The following LSAMP variants were observed in gnomAD, a reference collection of about 807,000 sequenced individuals.
The protein encoded by LSAMP is limbic system-associated membrane protein.
In LSAMP, 7 loss-of-function variants were observed where a neutral mutation model predicts 38.6. That is an observed-to-expected ratio of 0.18 (90% CI 0.10 to 0.34). The LOEUF (loss-of-function observed/expected upper bound fraction) is 0.34. LSAMP is among the 10% of genes least tolerant of loss of function. The pLI, the probability that LSAMP is intolerant of heterozygous loss-of-function variation, is 1.00. For missense variants in LSAMP, 313 were observed against 420.0 expected, an observed-to-expected ratio of 0.75 and a Z score of 2.23; for synonymous variants, 154 against 166.8, an observed-to-expected ratio of 0.92 and a Z score of 0.59.
At chr3:115,981,693 T>C (rs1017340518) in intron 3 of LSAMP, among the ~76,000 whole-genome samples, 1 of 152,190 alleles carries the variant, frequency 6.6e-6, no homozygotes, top group African/African-American at 2.4e-5. Flanking sequence ...GTTTGTGCTT[T>C]AGTCAATATT....
intron 2 of LSAMP, among the ~76,000 whole-genome samples, chr3:116,032,035 T>C (rs546651929): frequency 1.3e-5 from 2 of 152,112 alleles, no homozygotes; most frequent in Admixed American, 6.6e-5. Context: ...AGGTACATAA[T>C]GTCATTCATG....
chr3:115,873,031 G>A (rs903737819), intron 3 of LSAMP, among the ~76,000 whole-genome samples: 2 of 151,932 alleles, frequency 1.3e-5, no homozygotes, highest in African/African-American at 2.4e-5. Flanking sequence ...ACAGAGATCC[G>A]AATTAGTTTT....
chr3:116,224,811 A>G (rs889642638), intron 1 of LSAMP, among the ~76,000 whole-genome samples: 2 of 152,228 alleles, frequency 1.3e-5, no homozygotes, highest in African/African-American at 4.8e-5. Context: ...ACTCTGTGAT[A>G]GTGCTACCAG....
intron 3 of LSAMP, among the ~76,000 whole-genome samples, chr3:115,952,566 G>A (rs1277653833): frequency 3.9e-5 from 6 of 152,138 alleles, no homozygotes; most frequent in Non-Finnish European, 8.8e-5. Flanking sequence ...GGGATTCAGG[G>A]GGAATGGTGA....
chr3:116,124,776 A>C (rs1004056028), intron 1 of LSAMP, among the ~76,000 whole-genome samples: 5 of 152,210 alleles, frequency 3.3e-5, no homozygotes, highest in Admixed American at 6.5e-5. Flanking sequence ...AGACATGGAC[A>C]TGGTCATACA....
intron 1 of LSAMP, among the ~76,000 whole-genome samples, chr3:116,107,352 T>C (rs1332894187): frequency 6.6e-6 from 1 of 152,028 alleles, no homozygotes; most frequent in African/African-American, 2.4e-5. Flanking sequence ...GAGTTGAACA[T>C]AGTTTGTGAT....
At chr3:116,318,171 G>A (rs9882899) in intron 1 of LSAMP, among the ~76,000 whole-genome samples, 147,562 of 150,498 alleles carry the variant, frequency 0.98, 72,420 homozygotes, top group Middle Eastern at 1. Flanking sequence ...GTAATACAAC[G>A]TGCACTCTTA....
intron 1 of LSAMP, among the ~76,000 whole-genome samples, chr3:116,440,757 C>T (rs978739436): frequency 2.6e-5 from 4 of 152,168 alleles, no homozygotes; most frequent in Non-Finnish European, 4.4e-5. Context: ...ACGATCCTTA[C>T]AGTATCAGGG....
chr3:116,271,587 T>TG (rs1352435804), intron 1 of LSAMP, among the ~76,000 whole-genome samples: 1 of 152,130 alleles, frequency 6.6e-6, no homozygotes, highest in African/African-American at 2.4e-5. Context: ...AATAAACAGT[T>TG]GGGGCCACAT....
rs1444687207 is a variant in LSAMP, at chr3:116,418,033, A to G, written c.155+26844T>C. Among the ~76,000 whole-genome samples, 5 of 152,356 alleles carry G rather than the reference A, an allele frequency of 3.3e-5. 1 individual carries two copies. The East Asian group carries it at 9.6e-4, about 29-fold the overall frequency. ...AGTTATCAAAGATGCAATCTTAAAA[A>G]GTTGTGCCATTTTTAGAATATTTGT... On this transcript the variant is annotated intron_variant, in intron 1 of 6. Transcript: ENST00000490035.
chr3:116,161,013 C>A (rs1709874663), intron 1 of LSAMP, among the ~76,000 whole-genome samples: 1 of 152,158 alleles, frequency 6.6e-6, no homozygotes, highest in African/African-American at 2.4e-5. Flanking sequence ...TAGTCTCCAG[C>A]CACGTGGGGC....
intron 1 of LSAMP, among the ~76,000 whole-genome samples, chr3:116,332,052 G>C (rs1028684287): frequency 6.6e-6 from 1 of 151,934 alleles, no homozygotes; most frequent in African/African-American, 2.4e-5. Flanking sequence ...AGTTGTCCAG[G>C]CTGGCTGGAA....
chr3:116,098,466 C>T lies in LSAMP; in HGVS notation c.156-11910G>A, dbSNP rs551542404. ...GTAAGCCAAGATTGCGCCATTGCAG[C>T]CTTGGCAACAAGAGCAAAACTCCGT... On this transcript the variant is annotated intron_variant, in intron 1 of 6. Coordinates refer to ENST00000490035, the MANE Select transcript of LSAMP (RefSeq NM_002338.5). Among the ~76,000 whole-genome samples, 3 of 152,170 alleles carry T rather than the reference C, an allele frequency of 2.0e-5. No individual in the cohort carries two copies. The South Asian group carries it at 6.2e-4, about 32-fold the overall frequency.
intron 2 of LSAMP, among the ~76,000 whole-genome samples, chr3:116,049,827 C>A (rs1037243766): frequency 2.0e-5 from 3 of 152,110 alleles, no homozygotes; most frequent in Non-Finnish European, 2.9e-5. Context: ...AAAACAGACA[C>A]GCAAGATTGA....
At chr3:116,206,324 A>G (rs2046069284) in intron 1 of LSAMP, among the ~76,000 whole-genome samples, 1 of 149,936 alleles carries the variant, frequency 6.7e-6, no homozygotes, top group Non-Finnish European at 1.5e-5. Flanking sequence ...CTAGCGGTCT[A>G]TCAATTTTGT....
At chr3:116,099,405 T>A (rs747529801) in intron 1 of LSAMP, among the ~76,000 whole-genome samples, 2 of 151,590 alleles carry the variant, frequency 1.3e-5, no homozygotes, top group Non-Finnish European at 2.9e-5. Context: ...ATTAATAAAG[T>A]GTTGTTTTGA....
rs190978051 is a variant in LSAMP at position 116,042,856 on chromosome 3, A to T, written c.389-23216T>A. Among the ~76,000 whole-genome samples the T allele has an allele frequency of 4.4e-3, 668 of 152,302 alleles. 1 individual carries two copies. The highest frequency in any genetic ancestry group is 0.015 in the African/African-American group (642 of 41,538). On this transcript the variant is annotated intron_variant, in intron 2 of 6. Coordinates refer to ENST00000490035, the MANE Select transcript of LSAMP (RefSeq NM_002338.5). ...AATGATGTTACTGAACAAGGTGGAT[A>T]ATCTTTCAGTCAGAGTTGTATAAAC...
At chr3:116,047,387 A>C (rs1299455753) in intron 2 of LSAMP, among the ~76,000 whole-genome samples, 2 of 151,044 alleles carry the variant, frequency 1.3e-5, no homozygotes, top group Non-Finnish European at 3.0e-5. Context: ...AAAAAAAAAA[A>C]AAACAAAACA....
chr3:116,263,005 AT>A (rs2046843849), intron 1 of LSAMP, among the ~76,000 whole-genome samples: 2 of 152,160 alleles, frequency 1.3e-5, no homozygotes, highest in African/African-American at 4.8e-5. Flanking sequence ...CAAAGCTTTT[AT>A]TTCTATGGGT....
Sources: gnomAD v4.1 joint callset for allele counts (sites outside exome capture counted in the v4.1 genomes callset) on GRCh38, gnomAD v4.1.1 for gene constraint, MANE v1.5 for transcripts, NCBI Gene and HGNC (gene_info 2026-07-23, HGNC 2026-07-21) for gene names.